Variants in ARHGAP15 observed in about 807,000 individuals in gnomAD.
The protein encoded by ARHGAP15 is rho GTPase-activating protein 15.
Under a neutral mutation model 63.7 loss-of-function variants are expected in ARHGAP15, and 51 were observed. That is an observed-to-expected ratio of 0.80 (90% CI 0.64 to 1.01). The LOEUF is 1.01. Ranked by LOEUF, ARHGAP15 falls within the 50% of genes least tolerant of loss-of-function variation. The pLI, the probability that ARHGAP15 is intolerant of heterozygous loss-of-function variation, is 0.00. For missense variants in ARHGAP15, 560 were observed against 564.6 expected, an observed-to-expected ratio of 0.99 and a Z score of 0.08; for synonymous variants, 191 against 193.8, an observed-to-expected ratio of 0.99 and a Z score of 0.12.
At chr2:143,468,805 A>G (rs1691374273) in intron 8 of ARHGAP15, among the ~76,000 whole-genome samples, 1 of 152,132 alleles carries the variant, frequency 6.6e-6, no homozygotes, top group Admixed American at 6.5e-5. Context: ...TATTCAAATC[A>G]TTGTACAGTC....
At chr2:143,593,857 AT>A (rs1424140233) in intron 11 of ARHGAP15, among the ~76,000 whole-genome samples, 1 of 152,218 alleles carries the variant, frequency 6.6e-6, no homozygotes, top group Non-Finnish European at 1.5e-5. Context: ...GCAAAATAAT[AT>A]AATCTGTGCA....
intron 13 of ARHGAP15, among the ~76,000 whole-genome samples, chr2:143,725,687 T>C (rs1469312116): frequency 6.6e-6 from 1 of 152,230 alleles, no homozygotes; most frequent in Non-Finnish European, 1.5e-5. Flanking sequence ...TCCTCAAGAT[T>C]TTTTAAGGAC....
At chr2:143,345,789 G>T (rs1685246274) in intron 6 of ARHGAP15, among the ~76,000 whole-genome samples, 1 of 152,108 alleles carries the variant, frequency 6.6e-6, no homozygotes, top group African/African-American at 2.4e-5. Flanking sequence ...GTACATATAT[G>T]TGATGTGGCT....
intron 9 of ARHGAP15, among the ~76,000 whole-genome samples, chr2:143,493,075 A>G (rs188659847): frequency 6.6e-6 from 1 of 152,096 alleles, no homozygotes; most frequent in East Asian, 1.9e-4. Flanking sequence ...AACAAAAAAA[A>G]CCATCAATTA....
At chr2:143,152,873 G>A (rs775631832) in intron 1 of ARHGAP15, among the ~76,000 whole-genome samples, 3 of 151,948 alleles carry the variant, frequency 2.0e-5, no homozygotes, top group Non-Finnish European at 4.4e-5. Context: ...AGGAGAGACA[G>A]TGAGCAAATT....
rs190059477 is a variant in ARHGAP15, at chr2:143,341,429, C to T, written c.474+90829C>T. Among the ~76,000 whole-genome samples, 20 of 152,216 alleles carry T rather than the reference C, an allele frequency of 1.3e-4. No individual in the cohort carries two copies. The East Asian group carries it at 3.9e-3, about 29-fold the overall frequency. ...AAGTTTCTGGCAATGTGTGAGGTTTCCTCTAGGACGAATAACACCTTTAAA... is the reference window on the plus strand; with the variant it reads ...AAGTTTCTGGCAATGTGTGAGGTTTTCTCTAGGACGAATAACACCTTTAAA... On this transcript the variant is annotated intron_variant, in intron 6 of 13. Coordinates refer to ENST00000295095, the MANE Select transcript of ARHGAP15 (RefSeq NM_018460.4).
intron 13 of ARHGAP15, among the ~76,000 whole-genome samples, chr2:143,767,533 T>G (rs1036389267): frequency 6.6e-6 from 1 of 152,236 alleles, no homozygotes; most frequent in Admixed American, 6.5e-5. Context: ...TTGCCAGGAA[T>G]ACTTTACTCA....
At chr2:143,317,705 A>G (rs912463691) in intron 6 of ARHGAP15, among the ~76,000 whole-genome samples, 1 of 152,192 alleles carries the variant, frequency 6.6e-6, no homozygotes, top group Non-Finnish European at 1.5e-5. Context: ...ATTTTCGAGA[A>G]GATAGTTATG....
At chr2:143,298,558 C>T (rs1298657540) in intron 6 of ARHGAP15, among the ~76,000 whole-genome samples, 3 of 151,950 alleles carry the variant, frequency 2.0e-5, no homozygotes, top group African/African-American at 7.2e-5. Flanking sequence ...CAAACTTAAA[C>T]TCATTAAATC....
At chr2:143,131,018 A>G (rs1359061769) in intron 1 of ARHGAP15, among the ~76,000 whole-genome samples, 1 of 152,222 alleles carries the variant, frequency 6.6e-6, no homozygotes, top group East Asian at 1.9e-4. Context: ...GCAGATAAAC[A>G]TCTGGCATTG....
At chr2:143,470,699 G>GTATATATATGTATATATGTGTA (rs1691484663) in intron 8 of ARHGAP15, among the ~76,000 whole-genome samples, 1 of 147,902 alleles carries the variant, frequency 6.8e-6, no homozygotes, top group African/African-American at 2.5e-5. Context: ...GTATATATGT[G>GTATATATATGTATATATGTGTA]TATATATATG....
Position 143,436,963 on chromosome 2 carries a change from A to T in ARHGAP15, c.624A>T (p.Gln208His). Reference protein sequence around the residue: ...PSRNLELFKIQRSSSTELLSH... With the variant: ...PSRNLELFKIHRSSSTELLSH... Reference sequence around the variant, plus strand: ...GAAACCTGGAATTATTCAAAATCCAAAGATCCTCTAGCACTGAATTGCTAA... The same window carrying T: ...GAAACCTGGAATTATTCAAAATCCATAGATCCTCTAGCACTGAATTGCTAA... The change falls in exon 8 of 14, where the codon CAA becomes CAT. Residue 208 changes from glutamine to histidine, a missense_variant. Gln to His is a conservative substitution (Grantham distance 24, BLOSUM62 0). Coordinates refer to ENST00000295095, the MANE Select transcript of ARHGAP15 (RefSeq NM_018460.4). 2 of 1,611,740 alleles carry T rather than the reference A, an allele frequency of 1.2e-6. No homozygotes were observed. Among genetic ancestry groups the T allele is most frequent in the Non-Finnish European group, 1.7e-6 (2 of 1,179,268 alleles).
At chr2:143,549,293 A>T (rs1208748331) in intron 10 of ARHGAP15, among the ~76,000 whole-genome samples, 1 of 152,214 alleles carries the variant, frequency 6.6e-6, no homozygotes, top group Non-Finnish European at 1.5e-5. Flanking sequence ...CCAATGAAAT[A>T]ATAGAAAATA....
intron 2 of ARHGAP15, among the ~76,000 whole-genome samples, chr2:143,193,090 G>A (rs1263948384): frequency 6.6e-6 from 1 of 152,186 alleles, no homozygotes; most frequent in African/African-American, 2.4e-5. Context: ...GGCCACATGT[G>A]TCCACAGTTA....
rs114280276 is a variant in ARHGAP15, at chr2:143,261,405, G to A, written c.474+10805G>A. Among the ~76,000 whole-genome samples the A allele has an allele frequency of 2.1e-3, 288 of 134,810 alleles. 1 individual carries two copies. The highest frequency in any genetic ancestry group is 7.0e-3 in the African/African-American group (248 of 35,278). 88.4% of individuals were successfully genotyped at this position (134,810 alleles called of 152,430 possible). On this transcript the variant is annotated intron_variant, in intron 6 of 13. Transcript: ENST00000295095. ...CTTGAGTGGAGTACAGTGGCACCGT[G>A]TTGGTTCACTGCAACCTCCGTCTCC... is the stretch of plus-strand genomic sequence containing the variant.
chr2:143,190,568 T>C (rs1691645886), intron 2 of ARHGAP15, among the ~76,000 whole-genome samples: 1 of 152,090 alleles, frequency 6.6e-6, no homozygotes, highest in African/African-American at 2.4e-5. Context: ...TGACCTTGAG[T>C]CTAGACTCTA....
intron 8 of ARHGAP15, among the ~76,000 whole-genome samples, chr2:143,470,898 G>T (rs912941014): frequency 2.0e-5 from 3 of 148,942 alleles, no homozygotes; most frequent in African/African-American, 7.4e-5. Flanking sequence ...ATATTTATGT[G>T]TGTATATATA....
intron 1 of ARHGAP15, 97 bp from the exon 2 acceptor site, chr2:143,155,380 C>A: frequency 8.6e-7 from 1 of 1,168,566 alleles, no homozygotes; most frequent in Non-Finnish European, 1.2e-6. Context: ...TGTTTATCAA[C>A]TTTTAATATC....
chr2:143,381,665 T>G (rs889001727), intron 6 of ARHGAP15, among the ~76,000 whole-genome samples: 1 of 152,156 alleles, frequency 6.6e-6, no homozygotes, highest in East Asian at 1.9e-4. Flanking sequence ...ACACAGTGAT[T>G]TACAGGCACC....
Sources: gnomAD v4.1 joint callset for allele counts (sites outside exome capture counted in the v4.1 genomes callset) on GRCh38, gnomAD v4.1.1 for gene constraint, MANE v1.5 for transcripts, NCBI Gene and HGNC (gene_info 2026-07-23, HGNC 2026-07-21) for gene names.